Variants in MAGOHB observed in about 807,000 individuals in gnomAD.
MAGOHB encodes mago homolog B, exon junction complex subunit, also known as protein mago nashi homolog 2.
MAGOHB carries 15 observed loss-of-function variants against 20.9 expected under a neutral mutation model. That is an observed-to-expected ratio of 0.72 (90% CI 0.48 to 1.11). MAGOHB has a LOEUF of 1.11. Among genes scored for constraint, MAGOHB ranks in the 50% least tolerant of loss-of-function variants. MAGOHB has a pLI of 0.00. For missense variants in MAGOHB, 162 were observed against 177.6 expected (o/e 0.91, Z 0.50); for synonymous variants, 50 against 57.9 (o/e 0.86, Z 0.62).
downstream of MAGOHB, among the ~76,000 whole-genome samples, chr12:10,602,211 T>C: frequency 6.6e-6 from 1 of 152,224 alleles, no homozygotes; most frequent in Non-Finnish European, 1.5e-5. Context: ...TAATATAAAG[T>C]CCACAAGTCT....
chr12:10,612,950 C>G, intron 1 of MAGOHB: 1 of 1,289,134 alleles, frequency 7.8e-7, no homozygotes, highest in South Asian at 1.2e-5. Context: ...CTTTACCTCT[C>G]CCCTCTTGCT....
chr12:10,613,123 AC>A, intron 1 of MAGOHB: 1 of 496,792 alleles, frequency 2.0e-6, no homozygotes, highest in Non-Finnish European at 3.4e-6. Context: ...CATCCACTGG[AC>A]CACCCGCTGG....
intron 1 of MAGOHB, chr12:10,612,983 GGTGAACAATTACAC>G (rs1565553401): frequency 1.6e-6 from 2 of 1,276,406 alleles, no homozygotes; most frequent in South Asian, 2.5e-5. Context: ...TGCGTCCTAT[GGTGAACAATTACAC>G]GTAAACACCT....
intron 1 of MAGOHB, chr12:10,612,647 T>G (rs1357870773): frequency 8.8e-7 from 1 of 1,134,578 alleles, no homozygotes; most frequent in Admixed American, 4.1e-5. Flanking sequence ...TACCTTAAAA[T>G]TTTGTATTTG....
downstream of MAGOHB, among the ~76,000 whole-genome samples, chr12:10,601,710 C>T (rs1030365307): frequency 6.6e-6 from 1 of 152,140 alleles, no homozygotes; most frequent in Admixed American, 6.5e-5. Flanking sequence ...TACTTGAAGT[C>T]CAAGATTCAA....
At chr12:10,609,561 A>G in intron 3 of MAGOHB, 1 of 458,882 alleles carries the variant, frequency 2.2e-6, no homozygotes, top group Non-Finnish European at 4.0e-6. Context: ...GAAATTATTC[A>G]TAACACTGCA....
downstream of MAGOHB, among the ~76,000 whole-genome samples, chr12:10,603,286 C>G (rs1865571269): frequency 7.0e-6 from 1 of 143,802 alleles, no homozygotes; most frequent in Admixed American, 7.3e-5. Context: ...TGCACTCCAG[C>G]CTGGGTGACA....
downstream of MAGOHB, among the ~76,000 whole-genome samples, chr12:10,602,918 C>T (rs80352145): frequency 7.2e-3 from 1,089 of 152,234 alleles, 9 homozygotes; most frequent in African/African-American, 0.025. Context: ...TGGAAAAACC[C>T]CTAGCATGCA....
At chr12:10,612,822 T>A in intron 1 of MAGOHB, 1 of 1,288,840 alleles carries the variant, frequency 7.8e-7, no homozygotes, top group Non-Finnish European at 1.0e-6. Context: ...CACCTCATCC[T>A]CTGCTCATAC....
downstream of MAGOHB, among the ~76,000 whole-genome samples, chr12:10,603,890 C>A (rs1865580414): frequency 6.6e-6 from 1 of 152,194 alleles, no homozygotes; most frequent in South Asian, 2.1e-4. Context: ...ACAGTCCATG[C>A]TCATAGGTTC....
chr12:10,599,928 A>G (rs552875600), downstream of MAGOHB, among the ~76,000 whole-genome samples: 1 of 152,338 alleles, frequency 6.6e-6, no homozygotes, highest in East Asian at 1.9e-4. Context: ...GGTAAAAGAC[A>G]TTACTGAAAT....
rs543443369 is a variant in MAGOHB at position 10,611,299 on chromosome 12, C to T, written c.95-619G>A. On this transcript the variant is annotated intron_variant, in intron 1 of 4. Coordinates refer to ENST00000320756, the MANE Select transcript of MAGOHB (RefSeq NM_018048.5). ...AAGCATACAAACGATGCTTCTGGATCAAAGTTGATGAGTTTGTTAGCTAGT... is the reference window on the plus strand; with the variant it reads ...AAGCATACAAACGATGCTTCTGGATTAAAGTTGATGAGTTTGTTAGCTAGT... Among the ~76,000 whole-genome samples the T allele has an allele frequency of 2.0e-5, 3 of 152,268 alleles. No individual in the cohort carries two copies. In the South Asian group the frequency reaches 6.2e-4, roughly 32 times the overall value.
intron 1 of MAGOHB, among the ~76,000 whole-genome samples, chr12:10,611,673 A>G (rs545723975): frequency 1.2e-3 from 168 of 145,172 alleles, no homozygotes; most frequent in African/African-American, 4.0e-3. Flanking sequence ...GCTTCAATCC[A>G]CGAGGCGGAG....
At position 10,609,716 on chromosome 12, in the gene MAGOHB, T is replaced by C. The variant is rs1022459108; in HGVS notation, c.264+115A>G. ...AATTAAAGAGAATTTACCAGGTGCC[T>C]ATTAAATAGAAAGCCAAAGAATCAA... On this transcript the variant is annotated intron_variant, in intron 3 of 4. Coordinates refer to ENST00000320756, the MANE Select transcript of MAGOHB (RefSeq NM_018048.5). 14 of 666,592 alleles carry C rather than the reference T, an allele frequency of 2.1e-5. No homozygotes were observed. The African/African-American group carries it at 2.4e-4, about 11-fold the overall frequency. 41.3% of individuals were successfully genotyped at this position (666,592 alleles called of 1,614,324 possible). A position where few individuals can be genotyped will look rare whatever the true frequency, so the allele number is the denominator to read the frequency against.
At chr12:10,600,904 T>C (rs1395032922), downstream of MAGOHB, among the ~76,000 whole-genome samples, 1 of 152,118 alleles carries the variant, frequency 6.6e-6, no homozygotes. Context: ...ATGTAGTCCC[T>C]GAAGTCGGCC....
chr12:10,608,963 G>C (rs1865677008), intron 3 of MAGOHB: 1 of 153,514 alleles, frequency 6.5e-6, no homozygotes, highest in Admixed American at 6.5e-5. Flanking sequence ...CTCTCCCTGA[G>C]TCTAAATGAT....
At position 10,605,271 on chromosome 12, in the gene MAGOHB, T is replaced by C. The variant is rs1377813867; in HGVS notation, c.*1004A>G. ...CATTATTGCAAAAAAGTTATTGGAC[T>C]GCCCGACTCTAGAGCCTACCTGCTC... On this transcript the variant is annotated 3_prime_UTR_variant, in exon 5 of 5. Coordinates refer to ENST00000320756, the MANE Select transcript of MAGOHB (RefSeq NM_018048.5). 1 of 152,222 alleles carries C rather than the reference T, an allele frequency of 6.6e-6. No individual in the cohort carries two copies. Among genetic ancestry groups the C allele is most frequent in the African/African-American group, 2.4e-5 (1 of 41,462 alleles). The allele number at this position is 152,222 out of a possible 1,614,324, so 9.4% of individuals were successfully genotyped here.
rs1426113403 is a variant in MAGOHB, at chr12:10,604,512, G to A, written c.*1763C>T. On this transcript the variant is annotated 3_prime_UTR_variant, in exon 5 of 5. Coordinates refer to ENST00000320756, the MANE Select transcript of MAGOHB (RefSeq NM_018048.5). ...AAGACTTAAAGATTTTTCAACGTAA[G>A]CACTATTTCTCCTCAACCTTGTTCA... The A allele has an allele frequency of 6.6e-6, 1 of 152,180 alleles. No individual in the cohort carries two copies. The highest frequency in any genetic ancestry group is 2.4e-5 in the African/African-American group (1 of 41,450). The allele number at this position is 152,180 out of a possible 1,614,324, so 9.4% of individuals were successfully genotyped here.
chr12:10,608,175 A>G lies in MAGOHB; in HGVS notation c.265-239T>C, dbSNP rs1258584873. ...CAACAAAGAATTGCTTTCCAGAGACATAAAGAAGACACTATGAAACAAAAT... is the reference window on the plus strand; with the variant it reads ...CAACAAAGAATTGCTTTCCAGAGACGTAAAGAAGACACTATGAAACAAAAT... On this transcript the variant is annotated intron_variant, in intron 3 of 4. Transcript: ENST00000320756. 3.0e-5 allele frequency: 10 copies of G among 335,268 alleles called. No homozygotes were observed. In the South Asian group the frequency reaches 5.8e-4, roughly 20 times the overall value. 20.8% of individuals were successfully genotyped at this position (335,268 alleles called of 1,614,324 possible). A position where few individuals can be genotyped will look rare whatever the true frequency, so the allele number is the denominator to read the frequency against.
Sources: gnomAD v4.1 joint callset for allele counts (sites outside exome capture counted in the v4.1 genomes callset) on GRCh38, gnomAD v4.1.1 for gene constraint, MANE v1.5 for transcripts, NCBI Gene and HGNC (gene_info 2026-07-23, HGNC 2026-07-21) for gene names.